NDST3: variants seen among roughly 807,000 people sequenced by gnomAD.
The protein encoded by NDST3 is bifunctional heparan sulfate N-deacetylase/N-sulfotransferase 3.
In NDST3, 58 loss-of-function variants were observed where a neutral mutation model predicts 96.1. That is an observed-to-expected ratio of 0.60 (90% CI 0.49 to 0.75). NDST3 has a LOEUF of 0.75. Ranked by LOEUF, NDST3 falls within the 30% of genes least tolerant of loss-of-function variation. The pLI is 0.00. For missense variants in NDST3, 788 were observed against 1,034.2 expected (o/e 0.76, Z 3.27); for synonymous variants, 333 against 359.7 (o/e 0.93, Z 0.84).
At chr4:118,084,848 C>T (rs553370728) in intron 2 of NDST3, among the ~76,000 whole-genome samples, 12 of 152,226 alleles carry the variant, frequency 7.9e-5, no homozygotes, top group African/African-American at 2.4e-4. Flanking sequence ...GGGCCAAGCG[C>T]GGTGGCTCAC....
At chr4:118,198,383 C>A (rs11934324) in intron 6 of NDST3, among the ~76,000 whole-genome samples, 7,570 of 152,110 alleles carry the variant, frequency 0.05, 376 homozygotes, top group African/African-American at 0.12. Flanking sequence ...CGTTATAACC[C>A]ATTATTTTAA....
chr4:118,112,485 A>G (rs1482688227), intron 3 of NDST3, among the ~76,000 whole-genome samples: 2 of 152,214 alleles, frequency 1.3e-5, no homozygotes, highest in East Asian at 3.8e-4. Flanking sequence ...GGAAACTCCA[A>G]GAGACTCTGC....
chr4:118,094,177 A>AC (rs1729107973), intron 2 of NDST3, among the ~76,000 whole-genome samples: 2 of 151,854 alleles, frequency 1.3e-5, no homozygotes. Flanking sequence ...TAACTTTACT[A>AC]CTTGCTTCCT....
chr4:118,137,712 A>G (rs940716409), intron 4 of NDST3, among the ~76,000 whole-genome samples: 1 of 152,194 alleles, frequency 6.6e-6, no homozygotes, highest in East Asian at 1.9e-4. Flanking sequence ...TTTGTTTGTA[A>G]TAAGTGTCTA....
intron 6 of NDST3, among the ~76,000 whole-genome samples, chr4:118,209,204 C>A (rs1004049195): frequency 1.3e-5 from 2 of 152,108 alleles, no homozygotes; most frequent in Non-Finnish European, 2.9e-5. Flanking sequence ...GTTTTCATTG[C>A]AAAATTAATA....
At chr4:118,144,435 C>G (rs1165637929) in intron 6 of NDST3, among the ~76,000 whole-genome samples, 2 of 152,182 alleles carry the variant, frequency 1.3e-5, no homozygotes, top group African/African-American at 4.8e-5. Flanking sequence ...CTGCCTCAGC[C>G]TCCCAAAGTG....
intron 7 of NDST3, 145 bp from the exon 8 acceptor site, chr4:118,226,741 T>C: frequency 1.7e-6 from 1 of 604,818 alleles, no homozygotes; most frequent in Non-Finnish European, 2.9e-6. Flanking sequence ...ATGATGCCAC[T>C]TCAGGGCTTT....
chr4:118,100,609 T>G (rs1410663590), intron 2 of NDST3, among the ~76,000 whole-genome samples: 1 of 152,104 alleles, frequency 6.6e-6, no homozygotes, highest in Non-Finnish European at 1.5e-5. Flanking sequence ...AAGAGCATCC[T>G]TGTCTTCGTT....
At chr4:118,044,928 T>C (rs939062633) in intron 1 of NDST3, among the ~76,000 whole-genome samples, 3 of 152,156 alleles carry the variant, frequency 2.0e-5, no homozygotes, top group African/African-American at 7.2e-5. Context: ...AGACCCCTCA[T>C]GACCTACTCA....
chr4:118,190,529 T>C (rs191319397), intron 6 of NDST3, among the ~76,000 whole-genome samples: 36 of 152,282 alleles, frequency 2.4e-4, no homozygotes, highest in Admixed American at 7.2e-4. Context: ...GGGTCCCAAG[T>C]AGCCATGTGG....
Position 118,256,268 on chromosome 4 carries a change from A to G in NDST3, c.*556A>G, listed in dbSNP as rs1350129369. On this transcript the variant is annotated 3_prime_UTR_variant, in exon 14 of 14. Transcript: ENST00000296499. The stretch of plus-strand genomic sequence containing the variant: ...TGTAAATTATAATTTGTGCTAGATC[A>G]GAGTGGAAAAGTTATATATGAGTGT... The G allele has an allele frequency of 6.6e-6, 1 of 152,214 alleles. No individual in the cohort carries two copies. Among genetic ancestry groups the G allele is most frequent in the Non-Finnish European group, 1.5e-5 (1 of 68,036 alleles). 9.4% of individuals were successfully genotyped at this position (152,214 alleles called of 1,614,324 possible). A position where few individuals can be genotyped will look rare whatever the true frequency, so the allele number is the denominator to read the frequency against.
chr4:118,127,693 A>G (rs560251134), intron 4 of NDST3, among the ~76,000 whole-genome samples: 5 of 152,092 alleles, frequency 3.3e-5, no homozygotes, highest in South Asian at 4.1e-4. Flanking sequence ...GTGGTTCCAT[A>G]TAAATTTTTG....
chr4:118,184,619 A>ACACACACG (rs1736821262), intron 6 of NDST3, among the ~76,000 whole-genome samples: 1 of 151,176 alleles, frequency 6.6e-6, no homozygotes, highest in Non-Finnish European at 1.5e-5. Flanking sequence ...ACACACACAC[A>ACACACACG]CACACACACA....
intron 6 of NDST3, chr4:118,194,262 T>C: frequency 1.4e-6 from 1 of 724,740 alleles, no homozygotes; most frequent in Non-Finnish European, 2.6e-6. Flanking sequence ...GCACCCTCAT[T>C]GGGCCTGGGA....
At chr4:118,160,399 T>C (rs1319154864) in intron 6 of NDST3, among the ~76,000 whole-genome samples, 2 of 150,540 alleles carry the variant, frequency 1.3e-5, no homozygotes, top group Non-Finnish European at 3.0e-5. Context: ...TGGGAGAAAA[T>C]ATTTGCAAAC....
At chr4:118,145,629 G>A (rs1002141201) in intron 6 of NDST3, among the ~76,000 whole-genome samples, 1 of 152,152 alleles carries the variant, frequency 6.6e-6, no homozygotes, top group Non-Finnish European at 1.5e-5. Context: ...GACTAACTGA[G>A]CAAATTCCTT....
intron 4 of NDST3, among the ~76,000 whole-genome samples, chr4:118,128,692 T>C (rs1179038581): frequency 1.3e-5 from 2 of 152,084 alleles, no homozygotes; most frequent in African/African-American, 4.8e-5. Context: ...AGGATAATAC[T>C]GGCCTCATAG....
intron 1 of NDST3, among the ~76,000 whole-genome samples, chr4:118,045,039 A>G (rs1051722848): frequency 2.0e-5 from 3 of 152,068 alleles, no homozygotes; most frequent in Non-Finnish European, 2.9e-5. Context: ...TCTCCCTACA[A>G]TCTTTCACAA....
intron 1 of NDST3, among the ~76,000 whole-genome samples, chr4:118,049,090 T>C (rs1340507372): frequency 6.6e-6 from 1 of 152,078 alleles, no homozygotes; most frequent in Non-Finnish European, 1.5e-5. Context: ...TACACAATTA[T>C]ATGGAAATTA....
Sources: allele counts gnomAD v4.1 joint callset (sites outside exome capture counted in the v4.1 genomes callset), GRCh38; gene constraint gnomAD v4.1.1; transcripts MANE v1.5; gene names NCBI Gene and HGNC (gene_info 2026-07-23, HGNC 2026-07-21).